Variants in CYFIP1 observed in about 807,000 individuals in gnomAD.
CYFIP1 encodes the protein cytoplasmic FMR1 interacting protein 1, also known as cytoplasmic FMR1-interacting protein 1.
A neutral mutation model predicts 163.5 loss-of-function variants in CYFIP1; 58 were observed. The observed-to-expected ratio is 0.35, with a 90% CI of 0.29 to 0.44. The LOEUF (loss-of-function observed/expected upper bound fraction) is 0.44, where lower values mean the gene tolerates loss of function less well. Ranked by LOEUF, CYFIP1 falls within the 20% of genes least tolerant of loss-of-function variation. CYFIP1 has a pLI of 1.00. For missense variants in CYFIP1, 1,338 were observed against 1,653.8 expected (o/e 0.81, Z 3.31); for synonymous variants, 663 against 660.7 (o/e 1.00, Z -0.05).
intron 23 of CYFIP1, among the ~76,000 whole-genome samples, chr15:22,890,473 C>T (rs2060047057): frequency 6.6e-6 from 1 of 152,158 alleles, no homozygotes; most frequent in Non-Finnish European, 1.5e-5. Flanking sequence ...AGGCGTGCAC[C>T]CCACCCTGCC....
intron 24 of CYFIP1, among the ~76,000 whole-genome samples, chr15:22,882,488 A>G (rs1038201779): frequency 4.6e-5 from 7 of 152,232 alleles, no homozygotes; most frequent in Non-Finnish European, 7.3e-5. Context: ...ATGAAAAATT[A>G]TAAAAAGTAA....
chr15:22,976,868 T>C (rs1391064636), intron 1 of CYFIP1, among the ~76,000 whole-genome samples: 1 of 152,152 alleles, frequency 6.6e-6, no homozygotes, highest in African/African-American at 2.4e-5. Context: ...ACTTTGCATG[T>C]ATCTCCCCAT....
intron 22 of CYFIP1, among the ~76,000 whole-genome samples, chr15:22,902,650 C>T (rs2060433187): frequency 6.6e-6 from 1 of 152,208 alleles, no homozygotes; most frequent in Non-Finnish European, 1.5e-5. Context: ...GGTTTGGTTT[C>T]CATGGACCAC....
At chr15:22,944,998 T>C (rs2062012281) in intron 3 of CYFIP1, 59 bp from the exon 4 acceptor site, 2 of 1,458,104 alleles carry the variant, frequency 1.4e-6, no homozygotes, top group African/African-American at 1.4e-5. Context: ...GAAAAGCAGA[T>C]GCCAGTTGCT....
Position 22,916,630 on chromosome 15 carries a change from G to A in CYFIP1, c.1675C>T (p.Leu559Phe). 6.2e-7 allele frequency: 1 copy of A among 1,614,096 alleles called. No individual in the cohort carries two copies. Among genetic ancestry groups the A allele is most frequent in the South Asian group, 1.1e-5 (1 of 91,088 alleles). Residue 559 changes from leucine to phenylalanine, a missense_variant and splice_region_variant, in exon 16 of 31, where the codon CTT (leucine) becomes TTT (phenylalanine). By Grantham distance (22) the Leu-to-Phe change is conservative. Coordinates refer to ENST00000617928, the MANE Select transcript of CYFIP1 (RefSeq NM_014608.6). ...RRAVGPSSTQ[L>F]YMVRTMLESL... ...TCTAGCATGGTTCTCACCATGTAAA[G>A]CTGGATTATCCAAGGAAACATTTGT...
chr15:22,870,864 G>A lies in CYFIP1; in HGVS notation c.3598-672C>T, dbSNP rs943967414. Among the ~76,000 whole-genome samples, 9 of 152,248 alleles carry A rather than the reference G, an allele frequency of 5.9e-5. No homozygotes were observed. In the East Asian group the frequency reaches 1.7e-3, roughly 29 times the overall value. On this transcript the variant is annotated intron_variant, in intron 30 of 30. Transcript: ENST00000617928. Reference sequence around the variant, plus strand: ...CTTCCAGTTTGGAAATACTGTGACGGGATACTCTGACAGACCCTCCTGCTA... The same window carrying A: ...CTTCCAGTTTGGAAATACTGTGACGAGATACTCTGACAGACCCTCCTGCTA...
rs745781185 is a variant in CYFIP1 at position 22,903,800 on chromosome 15, C to T, written c.2494G>A (p.Val832Met). The change falls in exon 22 of 31, where the codon GTG (valine) becomes ATG (methionine). Residue 832 changes from valine (V) to methionine (M), a missense_variant. Physicochemically the swap from Val to Met is conservative, Grantham distance 21 (BLOSUM62 1). Coordinates refer to ENST00000617928, the MANE Select transcript of CYFIP1 (RefSeq NM_014608.6). ...GTGATCCTCCCGTAGGGCGCTGACA[C>T]GTTGTGGTTGGCCTCCCGGAACATG... ...DAMFREANHN[V>M]SAPYGRITLH... 6.2e-6 allele frequency: 10 copies of T among 1,614,092 alleles called. No individual in the cohort carries two copies. The highest frequency in any genetic ancestry group is 2.2e-5 in the East Asian group (1 of 44,892).
In CYFIP1 at chr15:22,947,158, T is replaced by G; in HGVS notation, c.117+11A>C. The G allele has an allele frequency of 6.2e-7, 1 of 1,614,040 alleles. No individual in the cohort carries two copies. Among genetic ancestry groups the G allele is most frequent in the Non-Finnish European group, 8.5e-7 (1 of 1,179,924 alleles). ...CACAGGCTGTACGCCCTGCAGCTGC[T>G]GGGCACCCACCTGGTAGAGCAGCGA... On this transcript the variant is annotated intron_variant, in intron 2 of 30. Transcript: ENST00000617928.
chr15:22,872,692 G>A lies in CYFIP1; in HGVS notation c.3597+133C>T, dbSNP rs1307279266. 2.6e-5 allele frequency: 22 copies of A among 862,098 alleles called. No individual in the cohort carries two copies. The East Asian group carries it at 3.4e-4, about 13-fold the overall frequency. 53.4% of individuals were successfully genotyped at this position (862,098 alleles called of 1,614,324 possible). ...TTATATTTAGATTCATTTTGGGAAC[G>A]AAAAGAAAGTTTCTGTTGGTGGCAC... On this transcript the variant is annotated intron_variant, in intron 30 of 30. Coordinates refer to ENST00000617928, the MANE Select transcript of CYFIP1 (RefSeq NM_014608.6).
In CYFIP1 at chr15:22,916,936, C is replaced by T. The variant is rs542117479; in HGVS notation, c.1675-306G>A. 1.8e-5 allele frequency: 28 copies of T among 1,551,746 alleles called. No individual in the cohort carries two copies. The East Asian group carries it at 5.6e-4, about 31-fold the overall frequency. ...CACGACTGCCTCAGAAACGTGTTAA[C>T]CGCATGCAAGAGCCTCTCCATGCCC... On this transcript the variant is annotated intron_variant, in intron 15 of 30. Transcript: ENST00000617928.
intron 1 of CYFIP1, among the ~76,000 whole-genome samples, chr15:22,976,250 C>A (rs940758738): frequency 6.6e-6 from 1 of 152,092 alleles, no homozygotes; most frequent in Non-Finnish European, 1.5e-5. Flanking sequence ...CTCCGCCTCC[C>A]GGGTTCAGGC....
chr15:22,954,653 T>C (rs2062382673), intron 1 of CYFIP1, among the ~76,000 whole-genome samples: 1 of 152,212 alleles, frequency 6.6e-6, no homozygotes, highest in Non-Finnish European at 1.5e-5. Flanking sequence ...AGATGTTTTT[T>C]CCTTCCCTGA....
chr15:22,960,848 T>C lies in CYFIP1; in HGVS notation c.-6-13557A>G, dbSNP rs201134951. ...GAGGTTTCTTAGGTCACACAATGTC[T>C]CTAAAGCTGCAGGTGGCTTTGGGCC... On this transcript the variant is annotated intron_variant, in intron 1 of 30. Transcript: ENST00000617928. Among the ~76,000 whole-genome samples the C allele has an allele frequency of 1.1e-3, 173 of 152,260 alleles. 1 individual carries two copies. The highest frequency in any genetic ancestry group is 3.9e-3 in the East Asian group (20 of 5,168).
intron 17 of CYFIP1, 105 bp from the exon 18 acceptor site, chr15:22,912,380 G>T: frequency 1.2e-6 from 1 of 838,542 alleles, no homozygotes; most frequent in Non-Finnish European, 1.8e-6. Context: ...CACCTCTCAC[G>T]TAAGGAAAAA....
At chr15:22,870,561 G>A (rs1037464325) in intron 30 of CYFIP1, among the ~76,000 whole-genome samples, 1 of 152,070 alleles carries the variant, frequency 6.6e-6, no homozygotes, top group African/African-American at 2.4e-5. Flanking sequence ...ATCCTCCTCT[G>A]CCTCAGCCTC....
At chr15:22,889,366 A>C (rs1311180254) in intron 23 of CYFIP1, among the ~76,000 whole-genome samples, 1 of 152,108 alleles carries the variant, frequency 6.6e-6, no homozygotes, top group Non-Finnish European at 1.5e-5. Flanking sequence ...TGCACCCCGC[A>C]CCACCACCCT....
intron 1 of CYFIP1, among the ~76,000 whole-genome samples, chr15:22,958,166 A>G (rs1009088036): frequency 4.0e-5 from 6 of 151,682 alleles, no homozygotes; most frequent in South Asian, 4.2e-4. Context: ...GCTCACTGCA[A>G]CCTCTGCCTC....
Position 22,916,731 on chromosome 15 carries a change from C to T in CYFIP1, c.1675-101G>A, listed in dbSNP as rs752957257. 1.7e-5 allele frequency: 27 copies of T among 1,613,468 alleles called. 1 individual carries two copies. Among genetic ancestry groups the T allele is most frequent in the African/African-American group, 5.3e-5 (4 of 74,884 alleles). On this transcript the variant is annotated intron_variant, in intron 15 of 30. Coordinates refer to ENST00000617928, the MANE Select transcript of CYFIP1 (RefSeq NM_014608.6). ...ATGAGAGAAGGACTGCTCCGCTACGCCCTGGTCGGGAGGGCCCCGCACCAG... is the reference window on the plus strand; with the variant it reads ...ATGAGAGAAGGACTGCTCCGCTACGTCCTGGTCGGGAGGGCCCCGCACCAG...
intron 3 of CYFIP1, chr15:22,946,601 A>C (rs1035112415): frequency 1.2e-5 from 4 of 340,384 alleles, no homozygotes; most frequent in Non-Finnish European, 2.3e-5. Context: ...AGATCGCGCC[A>C]CTGTACTCCA....
Sources: gnomAD v4.1 joint callset for allele counts (sites outside exome capture counted in the v4.1 genomes callset) on GRCh38, gnomAD v4.1.1 for gene constraint, MANE v1.5 for transcripts, NCBI Gene and HGNC (gene_info 2026-07-23, HGNC 2026-07-21) for gene names.